The following MEIOC variants were observed in gnomAD, a reference collection of about 807,000 sequenced individuals.
The protein encoded by MEIOC is meiosis specific with coiled-coil domain, also known as meiosis-specific coiled-coil domain-containing protein MEIOC.
In MEIOC, 9 loss-of-function variants were observed where a neutral mutation model predicts 85.3. The ratio of observed to expected loss-of-function variants is 0.11; its 90% CI spans 0.06 to 0.18. MEIOC has a LOEUF of 0.18. MEIOC is among the 10% of genes least tolerant of loss of function. MEIOC has a pLI of 1.00. For missense variants in MEIOC, 898 were observed against 1,129.4 expected (o/e 0.80, Z 2.94); for synonymous variants, 365 against 393.7 (o/e 0.93, Z 0.86).
rs1430809343 is a variant in MEIOC, at chr17:44,674,572, A to T, written c.*376A>T. On this transcript the variant is annotated 3_prime_UTR_variant, in exon 8 of 8. Transcript: ENST00000409122. ...GTCTTAGTTAAGTATAATTCCAAATAATGAATCTAAGTGACTGTAACCCAA... is the reference window on the plus strand; with the variant it reads ...GTCTTAGTTAAGTATAATTCCAAATTATGAATCTAAGTGACTGTAACCCAA... 9.0e-6 allele frequency: 9 copies of T among 1,001,804 alleles called. No homozygotes were observed. Among genetic ancestry groups the T allele is most frequent in the Non-Finnish European group, 9.5e-6 (8 of 839,204 alleles). 62.1% of individuals were successfully genotyped at this position (1,001,804 alleles called of 1,614,324 possible). A position where few individuals can be genotyped will look rare whatever the true frequency, so the allele number is the denominator to read the frequency against.
intron 6 of MEIOC, among the ~76,000 whole-genome samples, chr17:44,672,505 T>C (rs78602368): frequency 0.022 from 3,399 of 152,288 alleles, 128 homozygotes; most frequent in African/African-American, 0.075. Context: ...TCCAGTGCCA[T>C]TGGTTTCTTG....
At chr17:44,657,534 G>GT (rs1032314869) in intron 2 of MEIOC, among the ~76,000 whole-genome samples, 51 of 150,082 alleles carry the variant, frequency 3.4e-4, no homozygotes, top group Admixed American at 8.0e-4. Flanking sequence ...ACGCCCGGCT[G>GT]TTTTTTTTGT....
chr17:44,673,418 C>A lies in MEIOC; in HGVS notation c.2510C>A (p.Ala837Asp). Residue 837 changes from alanine to aspartate, a missense_variant, in exon 7 of 8, where the codon GCC becomes GAC. Around this residue, in one of 2 missense-constraint regions of MEIOC, gnomAD observed 164 missense variants for 269.2 expected, o/e 0.61. Coordinates refer to ENST00000409122, the MANE Select transcript of MEIOC (RefSeq NM_001145080.3). ...MERLRSSLLHASISTALDRHL... is the reference protein window; with the variant it reads ...MERLRSSLLHDSISTALDRHL... ...CGTCTTCGGAGTTCTCTTCTTCATGCCAGTATCTCTACTGCTCTTGATAGA... is the reference window on the plus strand; with the variant it reads ...CGTCTTCGGAGTTCTCTTCTTCATGACAGTATCTCTACTGCTCTTGATAGA... 6.5e-7 allele frequency: 1 copy of A among 1,550,146 alleles called. No individual in the cohort carries two copies. The highest frequency in any genetic ancestry group is 8.7e-7 in the Non-Finnish European group (1 of 1,146,538).
chr17:44,656,734 C>G, intron 1 of MEIOC, 52 bp downstream of exon 1: 1 of 1,383,764 alleles, frequency 7.2e-7, no homozygotes, highest in South Asian at 1.4e-5. Flanking sequence ...TTGCAAGAGG[C>G]GACGAGGAGG....
rs769200629 is a variant in MEIOC at position 44,668,244 on chromosome 17, G to T, written c.2322+11G>T. 1.8e-5 allele frequency: 28 copies of T among 1,581,756 alleles called. No homozygotes were observed. Among genetic ancestry groups the T allele is most frequent in the Non-Finnish European group, 2.3e-5 (27 of 1,166,716 alleles). ...AAAGAGAGAAAAAAGGTAACACAAA[G>T]TTAACCACTTAGGAATAACAGTATG... On this transcript the variant is annotated intron_variant, in intron 5 of 7. Coordinates refer to ENST00000409122, the MANE Select transcript of MEIOC (RefSeq NM_001145080.3).
At chr17:44,658,347 G>T (rs1455262089) in intron 2 of MEIOC, among the ~76,000 whole-genome samples, 1 of 150,216 alleles carries the variant, frequency 6.7e-6, no homozygotes, top group African/African-American at 2.4e-5. Context: ...AGTAGATACG[G>T]GGTTTCACTG....
Position 44,675,425 on chromosome 17 carries a change from C to G in MEIOC, c.*1229C>G. 1.0e-6 allele frequency: 1 copy of G among 970,868 alleles called. No individual in the cohort carries two copies. The allele number at this position is 970,868 out of a possible 1,614,324, so 60.1% of individuals were successfully genotyped here. A position where few individuals can be genotyped will look rare whatever the true frequency, so the allele number is the denominator to read the frequency against. ...CTAGCATGAGTTAAACTATAATGTA[C>G]TGATGAAATTTAATTGAAATATCCT... On this transcript the variant is annotated 3_prime_UTR_variant, in exon 8 of 8. Coordinates refer to ENST00000409122, the MANE Select transcript of MEIOC (RefSeq NM_001145080.3).
At chr17:44,676,293 A>C (rs1972073527), downstream of MEIOC, 1 of 152,236 alleles carries the variant, frequency 6.6e-6, no homozygotes, top group South Asian at 2.1e-4. Context: ...TAAAACTTTT[A>C]CAAAATTTGC....
chr17:44,664,234 C>T (rs1005774751), intron 3 of MEIOC, among the ~76,000 whole-genome samples: 3 of 151,950 alleles, frequency 2.0e-5, no homozygotes, highest in Admixed American at 6.6e-5. Context: ...TGGTGGCACG[C>T]GCCTGTAGTC....
Position 44,668,018 on chromosome 17 carries a change from C to A in MEIOC, c.2107C>A (p.Leu703Met), listed in dbSNP as rs747791345. The A allele has an allele frequency of 6.2e-7, 1 of 1,613,662 alleles. No individual in the cohort carries two copies. Among genetic ancestry groups the A allele is most frequent in the Admixed American group, 1.7e-5 (1 of 59,976 alleles). The change falls in exon 5 of 8, where the codon CTG becomes ATG. Residue 703 changes from leucine to methionine, a missense_variant. By Grantham distance (15) the Leu-to-Met change is conservative (BLOSUM62 2). Transcript: ENST00000409122. ...CCCATTTGGCCATTCAGTTGTTCCA[C>A]TGTTGGATTCCTATGACTTACTTTC... ...THPFGHSVVP[L>M]LDSYDLLSYD... is the part of the protein sequence containing the mutation.
At chr17:44,676,599 G>A (rs1385913345), downstream of MEIOC, among the ~76,000 whole-genome samples, 1 of 152,066 alleles carries the variant, frequency 6.6e-6, no homozygotes, top group Non-Finnish European at 1.5e-5. Context: ...GAGGCGGGTG[G>A]ATCACGAGGT....
chr17:44,676,194 C>G (rs949925366), downstream of MEIOC: 2 of 152,122 alleles, frequency 1.3e-5, no homozygotes, highest in Non-Finnish European at 2.9e-5. Context: ...AGTGGCATAT[C>G]CTCTAACAGA....
At chr17:44,659,497 ATT>A (rs1971816703) in intron 2 of MEIOC, among the ~76,000 whole-genome samples, 1 of 152,258 alleles carries the variant, frequency 6.6e-6, no homozygotes, top group Non-Finnish European at 1.5e-5. Flanking sequence ...GGATGCAGAT[ATT>A]TCAAGTATGA....
chr17:44,669,300 T>C (rs1485484516), intron 5 of MEIOC, 83 bp from the exon 6 acceptor site: 3 of 1,138,474 alleles, frequency 2.6e-6, no homozygotes, highest in East Asian at 5.2e-5. Flanking sequence ...AATACTCTAT[T>C]TATTAGGCTT....
At chr17:44,664,687 C>G (rs890721193) in intron 3 of MEIOC, among the ~76,000 whole-genome samples, 2 of 152,292 alleles carry the variant, frequency 1.3e-5, no homozygotes, top group African/African-American at 2.4e-5. Flanking sequence ...GAAGAAATTA[C>G]CCAAAAACTG....
In MEIOC at chr17:44,665,408, T is replaced by C; in HGVS notation, c.384T>C (p.Tyr128=). ...GGATTCAAACAGAAAGAAATGACTA[T>C]GGCAGTGAAACAGACTTATATGGAC... The part of the protein sequence containing the change: ...KNRIQTERND[Y]GSETDLYGLV... Residue 128 remains tyrosine (Y), a synonymous_variant, in exon 4 of 8, where the codon TAT becomes TAC. Coordinates refer to ENST00000409122, the MANE Select transcript of MEIOC (RefSeq NM_001145080.3). The C allele has an allele frequency of 1.3e-6, 2 of 1,542,750 alleles. No homozygotes were observed. The highest frequency in any genetic ancestry group is 1.8e-6 in the Non-Finnish European group (2 of 1,142,256).
rs767219883 is a variant in MEIOC at position 44,668,071 on chromosome 17, T to C, written c.2160T>C (p.Pro720=). The C allele has an allele frequency of 3.1e-6, 5 of 1,613,388 alleles. No homozygotes were observed. In the South Asian group the frequency reaches 4.4e-5, roughly 14 times the overall value. ...ATGATGACTTAAGCCATTTGTACCCTTATTTTAATATGATGTATGGTGATA... is the reference window on the plus strand; with the variant it reads ...ATGATGACTTAAGCCATTTGTACCCCTATTTTAATATGATGTATGGTGATA... ...LSYDDLSHLY[P]YFNMMYGDNS... Residue 720 remains proline, a synonymous_variant, in exon 5 of 8, where the codon CCT becomes CCC. Coordinates refer to ENST00000409122, the MANE Select transcript of MEIOC (RefSeq NM_001145080.3).
rs1971756543 is a variant in MEIOC at position 44,656,531 on chromosome 17, A to C, written c.-83A>C. 1 of 1,130,900 alleles carries C rather than the reference A, an allele frequency of 8.8e-7. No individual in the cohort carries two copies. Among genetic ancestry groups the C allele is most frequent in the African/African-American group, 1.6e-5 (1 of 60,818 alleles). The allele number at this position is 1,130,900 out of a possible 1,614,324, so 70.1% of individuals were successfully genotyped here. On this transcript the variant is annotated 5_prime_UTR_variant, in exon 1 of 8. Transcript: ENST00000409122. ...TGCGGAGACGGCGGGGTGCGGGCTG[A>C]GGGAGCCGGGCCTGGACGCCCCCCC... is the stretch of plus-strand genomic sequence containing the variant.
At position 44,657,180 on chromosome 17, in the gene MEIOC, C is replaced by G. The variant is rs746953923; in HGVS notation, c.123C>G (p.Asp41Glu). Residue 41 changes from aspartate (D) to glutamate (E), a missense_variant, in exon 2 of 8, where the codon GAC becomes GAG. Asp to Glu is a conservative substitution (Grantham distance 45, BLOSUM62 2). Transcript: ENST00000409122. The stretch of plus-strand genomic sequence containing the variant: ...ATCGCTGTTGGAACCTCGGCGCCGA[C>G]GCCGGCAGCAGGTTAACCGACGTCT... ...GANRCWNLGA[D>E]AGSRLTDVFG... The G allele has an allele frequency of 5.2e-6, 8 of 1,551,820 alleles. No individual in the cohort carries two copies. In the South Asian group the frequency reaches 9.5e-5, roughly 18 times the overall value.
Sources: allele counts gnomAD v4.1 joint callset (sites outside exome capture counted in the v4.1 genomes callset), GRCh38; gene constraint gnomAD v4.1.1; regional missense constraint gnomAD v4.1.1; transcripts MANE v1.5; gene names NCBI Gene and HGNC (gene_info 2026-07-23, HGNC 2026-07-21).